Variants in KCNMA1 observed in about 807,000 individuals in gnomAD.
The protein encoded by KCNMA1 is potassium calcium-activated channel subfamily M alpha 1, also known as Calcium-activated potassium channel subunit alpha-1.
In KCNMA1, 29 loss-of-function variants were observed where a neutral mutation model predicts 140.0. The observed-to-expected ratio is 0.21, with a 90% CI of 0.15 to 0.28. KCNMA1 has a LOEUF of 0.28. KCNMA1 is among the 10% of genes least tolerant of loss of function. The probability of loss-of-function intolerance (pLI) is 1.00; values close to 1 mark genes in which losing one functional copy is unlikely to be tolerated. For synonymous variants in KCNMA1, 612 were observed against 611.9 expected, an observed-to-expected ratio of 1.00 and a Z score of 0.00; for missense variants, 880 against 1,602.2, an observed-to-expected ratio of 0.55 and a Z score of 7.70.
chr10:77,381,471 T>C (rs2095381816), intron 2 of KCNMA1, among the ~76,000 whole-genome samples: 4 of 152,138 alleles, frequency 2.6e-5, no homozygotes, highest in Non-Finnish European at 5.9e-5. Context: ...CATCATGGGC[T>C]CCCTCCAGGC....
At chr10:77,120,923 A>G in intron 6 of KCNMA1, 50 bp downstream of exon 6, 1 of 1,016,470 alleles carries the variant, frequency 9.8e-7, no homozygotes, top group Non-Finnish European at 1.6e-6. Flanking sequence ...GATATTTGCA[A>G]CTTGGCATAG....
chr10:77,399,206 C>A (rs1236660062), intron 2 of KCNMA1, among the ~76,000 whole-genome samples: 9 of 152,142 alleles, frequency 5.9e-5, no homozygotes, highest in African/African-American at 2.4e-5. Context: ...CACTACTTAT[C>A]CCATGAGTCT....
chr10:76,958,989 G>A lies in KCNMA1; in HGVS notation c.2361-5065C>T, dbSNP rs927513216. Among the ~76,000 whole-genome samples the A allele has an allele frequency of 5.6e-4, 85 of 150,988 alleles. No individual in the cohort carries two copies. In the South Asian group the frequency reaches 9.8e-3, roughly 17 times the overall value. On this transcript the variant is annotated intron_variant, in intron 20 of 27. Transcript: ENST00000286628. The stretch of plus-strand genomic sequence containing the variant: ...GTTTTTCTTGTCCATTTAAGGGGGG[G>A]AAAAAAGCATCCCGCCATTATTTCA...
intron 2 of KCNMA1, among the ~76,000 whole-genome samples, chr10:77,267,159 C>T (rs1310805698): frequency 6.6e-6 from 1 of 152,166 alleles, no homozygotes; most frequent in East Asian, 1.9e-4. Flanking sequence ...ATCTAAAGCT[C>T]CTTAATGCTT....
At chr10:76,980,320 G>C (rs1453950691) in intron 19 of KCNMA1, 1 of 152,268 alleles carries the variant, frequency 6.6e-6, no homozygotes, top group Non-Finnish European at 1.5e-5. Flanking sequence ...CAGTCCACCT[G>C]CCCAAGTCCC....
chr10:76,910,777 T>C (rs2049859204), intron 24 of KCNMA1: 1 of 158,666 alleles, frequency 6.3e-6, no homozygotes, highest in Non-Finnish European at 1.4e-5. Context: ...ACGCCCACGT[T>C]CTCCCTTTCC....
At chr10:77,152,555 A>G (rs1048117867) in intron 5 of KCNMA1, among the ~76,000 whole-genome samples, 1 of 152,046 alleles carries the variant, frequency 6.6e-6, no homozygotes, top group Non-Finnish European at 1.5e-5. Context: ...CAGGATCTAC[A>G]CATGGCTTTA....
At chr10:77,422,518 G>C (rs1478499420) in intron 1 of KCNMA1, among the ~76,000 whole-genome samples, 1 of 152,200 alleles carries the variant, frequency 6.6e-6, no homozygotes, top group Non-Finnish European at 1.5e-5. Flanking sequence ...GGCAGTAGCA[G>C]CTCTGACCCA....
intron 2 of KCNMA1, among the ~76,000 whole-genome samples, chr10:77,325,340 G>A (rs1367233927): frequency 6.6e-6 from 1 of 152,142 alleles, no homozygotes; most frequent in African/African-American, 2.4e-5. Flanking sequence ...AGGAGAGCAG[G>A]TGTGGCTGGC....
intron 1 of KCNMA1, among the ~76,000 whole-genome samples, chr10:77,509,173 T>C (rs1372314332): frequency 6.6e-6 from 1 of 152,040 alleles, no homozygotes; most frequent in Non-Finnish European, 1.5e-5. Flanking sequence ...CAGGCTGGAG[T>C]GCAGTGATGC....
rs11002116 is a variant in KCNMA1 at position 77,313,118 on chromosome 10, C to T, written c.541-61862G>A. On this transcript the variant is annotated intron_variant, in intron 2 of 27. Transcript: ENST00000286628. The stretch of plus-strand genomic sequence containing the variant: ...AATTCACCCCTAACCTATCAGACTC[C>T]GCGTTGGTCTGTGATGGCTCATCTC... Among the ~76,000 whole-genome samples the T allele has an allele frequency of 2.6e-5, 4 of 152,062 alleles. No individual in the cohort carries two copies. The East Asian group carries it at 5.8e-4, about 22-fold the overall frequency.
chr10:77,424,676 T>A, intron 1 of KCNMA1, among the ~76,000 whole-genome samples: 1 of 152,080 alleles, frequency 6.6e-6, no homozygotes, highest in East Asian at 1.9e-4. Context: ...AGGTAGAATA[T>A]GACACCAGGG....
At chr10:77,148,522 G>T (rs941784549) in intron 5 of KCNMA1, among the ~76,000 whole-genome samples, 1 of 129,692 alleles carries the variant, frequency 7.7e-6, no homozygotes, top group Non-Finnish European at 1.6e-5. Context: ...GGAAAATGAA[G>T]TACTTGTTTT....
chr10:77,479,442 G>A (rs757139286), intron 1 of KCNMA1, among the ~76,000 whole-genome samples: 3 of 152,166 alleles, frequency 2.0e-5, no homozygotes, highest in Non-Finnish European at 4.4e-5. Context: ...TCCAAAAGAT[G>A]AGCAATACAA....
intron 10 of KCNMA1, among the ~76,000 whole-genome samples, chr10:77,086,881 T>C (rs1453721138): frequency 6.6e-6 from 1 of 152,238 alleles, no homozygotes; most frequent in Non-Finnish European, 1.5e-5. Context: ...ATTCCTATCT[T>C]ATAAATATGG....
chr10:77,571,076 T>G (rs1177007397), intron 1 of KCNMA1, among the ~76,000 whole-genome samples: 4 of 152,238 alleles, frequency 2.6e-5, no homozygotes, highest in African/African-American at 9.6e-5. Context: ...GAAGTCCTAT[T>G]TGTATTCTTC....
intron 2 of KCNMA1, among the ~76,000 whole-genome samples, chr10:77,376,801 C>T (rs1205919583): frequency 1.3e-5 from 2 of 151,544 alleles, no homozygotes; most frequent in Non-Finnish European, 2.9e-5. Context: ...AGCCAGGAGT[C>T]GTGGCGCATG....
rs534732887 is a variant in KCNMA1, at chr10:77,590,872, A to C, written c.378+46393T>G. On this transcript the variant is annotated intron_variant, in intron 1 of 27. Transcript: ENST00000286628. ...TGCTTCTGTACCAGACACTCTAGCG[A>C]GACTCAAATGTTCTTCCTGACCAAA... Among the ~76,000 whole-genome samples, 31 of 152,348 alleles carry C rather than the reference A, an allele frequency of 2.0e-4. No homozygotes were observed. The East Asian group carries it at 5.2e-3, about 26-fold the overall frequency.
At chr10:77,609,148 T>C (rs2085728274) in intron 1 of KCNMA1, among the ~76,000 whole-genome samples, 1 of 152,230 alleles carries the variant, frequency 6.6e-6, no homozygotes, top group South Asian at 2.1e-4. Flanking sequence ...TGCATTCCAA[T>C]GTTCACAGCA....
Sources: allele counts gnomAD v4.1 joint callset (sites outside exome capture counted in the v4.1 genomes callset), GRCh38; gene constraint gnomAD v4.1.1; transcripts MANE v1.5; gene names NCBI Gene and HGNC (gene_info 2026-07-23, HGNC 2026-07-21).